USF1: variants seen among roughly 807,000 people sequenced by gnomAD.
The protein encoded by USF1 is upstream transcription factor 1, also known as upstream stimulatory factor 1.
USF1 carries 22 observed loss-of-function variants against 46.3 expected under a neutral mutation model. The ratio of observed to expected loss-of-function variants is 0.47; its 90% confidence interval spans 0.34 to 0.68. The LOEUF is 0.68. Among genes scored for constraint, USF1 ranks in the 30% least tolerant of loss-of-function variants. The probability of loss-of-function intolerance (pLI) is 0.01; values close to 1 mark genes in which losing one functional copy is unlikely to be tolerated. For synonymous variants in USF1, 150 were observed against 147.0 expected, an observed-to-expected ratio of 1.02 and a Z score of -0.15; for missense variants, 287 against 399.3, an observed-to-expected ratio of 0.72 and a Z score of 2.40.
rs995873607 is a variant in USF1, at chr1:161,039,968, C to A, written c.885G>T (p.Gln295His). ...LKNKNLLLRA[Q>H]LRHHGLEVVI... ...CGACCTCTAATCCGTGGTGCCGCAA[C>A]TGAGCTCGAAGCAGCAGATTCTTGT... is the stretch of plus-strand genomic sequence containing the variant. Residue 295 changes from glutamine to histidine, a missense_variant, in exon 11 of 11, where the codon CAG becomes CAT. Physicochemically the swap from Gln to His is conservative, Grantham distance 24 (BLOSUM62 0). Transcript: ENST00000368021. The A allele has an allele frequency of 5.6e-6, 9 of 1,614,214 alleles. No individual in the cohort carries two copies. Among genetic ancestry groups the A allele is most frequent in the Non-Finnish European group, 7.6e-6 (9 of 1,180,040 alleles).
At chr1:161,044,329 G>A (rs946508465) in intron 1 of USF1, among the ~76,000 whole-genome samples, 3 of 152,074 alleles carry the variant, frequency 2.0e-5, no homozygotes, top group Non-Finnish European at 2.9e-5. Context: ...CCATGTATTG[G>A]CCCCACCATC....
At chr1:161,043,094 C>G (rs562934696) in intron 2 of USF1, among the ~76,000 whole-genome samples, 174 bp downstream of exon 2, 1 of 152,162 alleles carries the variant, frequency 6.6e-6, no homozygotes, top group Admixed American at 6.5e-5. Flanking sequence ...AACAGCACCA[C>G]GAGATAGATA....
chr1:161,044,612 C>A (rs150685888), intron 1 of USF1, among the ~76,000 whole-genome samples: 4 of 152,044 alleles, frequency 2.6e-5, no homozygotes, highest in East Asian at 1.9e-4. Flanking sequence ...ATTCATCAAG[C>A]CTTCCTGCAG....
intron 2 of USF1, 132 bp from the exon 3 acceptor site, chr1:161,043,014 G>T: frequency 7.5e-7 from 1 of 1,328,424 alleles, no homozygotes. Context: ...ATAACAACTA[G>T]TGTTTACTGT....
At chr1:161,041,948 A>C in intron 5 of USF1, 102 bp from the exon 6 acceptor site, 1 of 316,366 alleles carries the variant, frequency 3.2e-6, no homozygotes, top group Non-Finnish European at 4.8e-6. Context: ...GGTAGGGTGG[A>C]GAGAGAGAGA....
rs549049369 is a variant in USF1, at chr1:161,045,631, C to G, written c.-86+227G>C. On this transcript the variant is annotated intron_variant, in intron 1 of 10. Transcript: ENST00000368021. ...GCGCCCGGTGCCGGCGGCTGCGGCG[C>G]GCAGCTGGACAGCGCAGGAGGGCTG... Among the ~76,000 whole-genome samples the G allele has an allele frequency of 7.2e-5, 11 of 152,310 alleles. 1 individual carries two copies. The South Asian group carries it at 2.3e-3, about 32-fold the overall frequency.
At position 161,039,814 on chromosome 1, in the gene USF1, CT is replaced by C. The variant is rs1382965542; in HGVS notation, c.*105del. Reference sequence around the variant, plus strand: ...AAGGACACACCTTCTGAACTTCCCCCTGTCCCATGCCAGAAGTGGGGCAGTG... The same window carrying C: ...AAGGACACACCTTCTGAACTTCCCCCGTCCCATGCCAGAAGTGGGGCAGTG... On this transcript the variant is annotated 3_prime_UTR_variant, in exon 11 of 11. Transcript: ENST00000368021. 4 of 1,200,706 alleles carry C rather than the reference CT, an allele frequency of 3.3e-6. No homozygotes were observed. Among genetic ancestry groups the C allele is most frequent in the African/African-American group, 3.0e-5 (2 of 66,384 alleles). The allele number at this position is 1,200,706 out of a possible 1,614,324, so 74.4% of individuals were successfully genotyped here.
chr1:161,043,431 T>G, intron 1 of USF1, 71 bp from the exon 2 acceptor site: 4 of 1,193,060 alleles, frequency 3.4e-6, no homozygotes, highest in Non-Finnish European at 3.6e-6. Flanking sequence ...GAACTTAGGT[T>G]CCATGAACAC....
At chr1:161,043,241 C>G in intron 2 of USF1, 27 bp downstream of exon 2, 2 of 1,614,186 alleles carry the variant, frequency 1.2e-6, no homozygotes, top group African/African-American at 2.7e-5. Context: ...CATCTTTCAT[C>G]CCAGACCCTA....
At chr1:161,045,166 G>A (rs1650748310) in intron 1 of USF1, among the ~76,000 whole-genome samples, 1 of 152,212 alleles carries the variant, frequency 6.6e-6, no homozygotes, top group Non-Finnish European at 1.5e-5. Flanking sequence ...GCCCGGCACA[G>A]GAGGCATCTC....
rs755365665 is a variant in USF1 at position 161,042,629 on chromosome 1, C to T, written c.100G>A (p.Ala34Thr). ...TGEDPTSVAI[A>T]SIQSAATFPD... is the part of the protein sequence containing the mutation. ...AAGGTGGCAGCTGACTGGATGCTGG[C>T]AATAGCCACACTGGTTGGGTCTTCC... The change falls in exon 4 of 11, where the codon GCC becomes ACC. Residue 34 changes from alanine (A) to threonine (T), a missense_variant. Ala to Thr is a moderately conservative substitution (Grantham distance 58, BLOSUM62 0). Transcript: ENST00000368021. 3 of 1,614,264 alleles carry T rather than the reference C, an allele frequency of 1.9e-6. No individual in the cohort carries two copies. Among genetic ancestry groups the T allele is most frequent in the Non-Finnish European group, 2.5e-6 (3 of 1,180,058 alleles).
chr1:161,040,329 C>T lies in USF1; in HGVS notation c.716G>A (p.Ser239Asn). 1 of 1,614,096 alleles carries T rather than the reference C, an allele frequency of 6.2e-7. No homozygotes were observed. The highest frequency in any genetic ancestry group is 8.5e-7 in the Non-Finnish European group (1 of 1,179,986). ...CSMESTKSGQ[S>N]KGGILSKACD... ...AGCTTTGGATAGAATCCCACCTTTA[C>T]TCTGCAAGATAAGGTCAACAAAATG... Residue 239 changes from serine to asparagine, a missense_variant and splice_region_variant, in exon 10 of 11, where the codon AGT (serine) becomes AAT (asparagine). Coordinates refer to ENST00000368021, the MANE Select transcript of USF1 (RefSeq NM_007122.5). The surrounding 1 kb of genome is among the most constrained non-coding windows in gnomAD (Gnocchi z 4.0).
intron 1 of USF1, among the ~76,000 whole-genome samples, chr1:161,045,226 G>C (rs17181842): frequency 0.013 from 1,930 of 152,274 alleles, 36 homozygotes; most frequent in African/African-American, 0.043. Flanking sequence ...ACCCAGCAAC[G>C]GGGTCAGGGT....
In USF1 at chr1:161,039,830, G is replaced by A. The variant is rs754886874; in HGVS notation, c.*90C>T. 14 of 1,345,712 alleles carry A rather than the reference G, an allele frequency of 1.0e-5. No homozygotes were observed. Among genetic ancestry groups the A allele is most frequent in the Non-Finnish European group, 1.5e-5 (14 of 951,234 alleles). The allele number at this position is 1,345,712 out of a possible 1,614,324, so 83.4% of individuals were successfully genotyped here. ...AACTTCCCCCTGTCCCATGCCAGAAGTGGGGCAGTGAAGGAAAGGGGCACG... is the reference window on the plus strand; with the variant it reads ...AACTTCCCCCTGTCCCATGCCAGAAATGGGGCAGTGAAGGAAAGGGGCACG... On this transcript the variant is annotated 3_prime_UTR_variant, in exon 11 of 11. Transcript: ENST00000368021.
At chr1:161,042,403 C>T in intron 4 of USF1, 152 bp downstream of exon 4, 1 of 975,118 alleles carries the variant, frequency 1.0e-6, no homozygotes, top group Non-Finnish European at 1.6e-6. Context: ...AACCTCACAC[C>T]AGTCTCTACT....
At position 161,039,759 on chromosome 1, in the gene USF1, G is replaced by T; in HGVS notation, c.*161C>A. ...TCCACATTGTGTGTTTCACACCACTGCAGGCCGCCATATCACAGGGCCTCA... is the reference window on the plus strand; with the variant it reads ...TCCACATTGTGTGTTTCACACCACTTCAGGCCGCCATATCACAGGGCCTCA... On this transcript the variant is annotated 3_prime_UTR_variant, in exon 11 of 11. Coordinates refer to ENST00000368021, the MANE Select transcript of USF1 (RefSeq NM_007122.5). The T allele has an allele frequency of 1.4e-6, 1 of 701,394 alleles. No homozygotes were observed. Among genetic ancestry groups the T allele is most frequent in the Non-Finnish European group, 2.4e-6 (1 of 421,744 alleles). 43.4% of individuals were successfully genotyped at this position (701,394 alleles called of 1,614,324 possible). A position where few individuals can be genotyped will look rare whatever the true frequency, so the allele number is the denominator to read the frequency against.
intron 1 of USF1, among the ~76,000 whole-genome samples, chr1:161,045,100 G>T (rs1222072719): frequency 6.6e-6 from 1 of 152,210 alleles, no homozygotes; most frequent in Non-Finnish European, 1.5e-5. Flanking sequence ...ACCTGAAGAG[G>T]AAATGCCCTG....
chr1:161,041,488 C>T, intron 6 of USF1, 77 bp from the exon 7 acceptor site: 5 of 1,519,990 alleles, frequency 3.3e-6, no homozygotes, highest in Non-Finnish European at 4.5e-6. Flanking sequence ...ACCCTGGTCC[C>T]CTCCTCTAAA....
chr1:161,042,541 G>GC lies in USF1; in HGVS notation c.174+13dup. The GC allele has an allele frequency of 1.9e-6, 3 of 1,613,366 alleles. No homozygotes were observed. Among genetic ancestry groups the GC allele is most frequent in the Non-Finnish European group, 2.5e-6 (3 of 1,179,544 alleles). On this transcript the variant is annotated intron_variant, in intron 4 of 10. Coordinates refer to ENST00000368021, the MANE Select transcript of USF1 (RefSeq NM_007122.5). Reference sequence around the variant, plus strand: ...CCCAGATAACACCTGCAGCCACCTGGCCCCCTCCCTTACCTGGCCCCCATT... The same window carrying GC: ...CCCAGATAACACCTGCAGCCACCTGGCCCCCCTCCCTTACCTGGCCCCCATT...
Sources: gnomAD v4.1 joint callset for allele counts (sites outside exome capture counted in the v4.1 genomes callset) on GRCh38, gnomAD v4.1.1 for gene constraint, Gnocchi (gnomAD v3.1) non-coding constraint, MANE v1.5 for transcripts, NCBI Gene and HGNC (gene_info 2026-07-23, HGNC 2026-07-21) for gene names.